Variants in PLCB4 observed in about 807,000 individuals in gnomAD.
PLCB4 encodes the protein 1-phosphatidylinositol 4,5-bisphosphate phosphodiesterase beta-4.
Under a neutral mutation model 178.8 loss-of-function variants are expected in PLCB4, and 77 were observed. That is an observed-to-expected ratio of 0.43 (90% CI 0.36 to 0.52). The LOEUF (loss-of-function observed/expected upper bound fraction) is 0.52, where lower values mean the gene tolerates loss of function less well. Ranked by LOEUF, PLCB4 falls within the 20% of genes least tolerant of loss-of-function variation. The pLI, the probability that PLCB4 is intolerant of heterozygous loss-of-function variation, is 0.00. For missense variants in PLCB4, 1,024 were observed against 1,453.4 expected, an observed-to-expected ratio of 0.70 and a Z score of 4.80; for synonymous variants, 496 against 490.8, an observed-to-expected ratio of 1.01 and a Z score of -0.14.
intron 3 of PLCB4, among the ~76,000 whole-genome samples, chr20:9,234,248 C>T (rs567865447): frequency 6.6e-6 from 1 of 152,182 alleles, no homozygotes; most frequent in South Asian, 2.1e-4. Flanking sequence ...AACTTTAAAG[C>T]TTTGTATGCT....
chr20:9,456,137 T>A (rs2043044697), intron 33 of PLCB4, among the ~76,000 whole-genome samples: 1 of 152,156 alleles, frequency 6.6e-6, no homozygotes, highest in African/African-American at 2.4e-5. Flanking sequence ...CACCCAGCCT[T>A]CCTGGACTTT....
intron 1 of PLCB4, among the ~76,000 whole-genome samples, chr20:9,086,604 G>A (rs927607048): frequency 6.6e-6 from 1 of 152,240 alleles, no homozygotes; most frequent in Non-Finnish European, 1.5e-5. Context: ...GCCTCAGCTG[G>A]AGTCAGACCC....
In PLCB4 at chr20:9,211,477, T is replaced by G. The variant is rs1405184003; in HGVS notation, c.-78-5913T>G. On this transcript the variant is annotated intron_variant, in intron 2 of 39. Coordinates refer to ENST00000378473, the MANE Select transcript of PLCB4 (RefSeq NM_001377142.1). ...ACCTACAGTCAAACAGAATGTGCAT[T>G]TTAACCAGATATGCTGGTGATTTGT... Among the ~76,000 whole-genome samples the G allele has an allele frequency of 3.3e-5, 5 of 152,350 alleles. 1 individual carries two copies. The East Asian group carries it at 9.7e-4, about 29-fold the overall frequency.
At position 9,422,646 on chromosome 20, in the gene PLCB4, C is replaced by T. The variant is rs533171284; in HGVS notation, c.2320-1102C>T. 6.6e-5 allele frequency among the ~76,000 whole-genome samples: 10 copies of T among 152,300 alleles called. No individual in the cohort carries two copies. In the East Asian group the frequency reaches 1.2e-3, roughly 18 times the overall value. On this transcript the variant is annotated intron_variant, in intron 27 of 39. Transcript: ENST00000378473. ...TATATAATAGTTCTGGCACTAGAAA[C>T]GAGATGCCAATTCTGAGTCCTTCTC...
At chr20:9,192,756 A>T (rs1009902630) in intron 2 of PLCB4, among the ~76,000 whole-genome samples, 1 of 151,774 alleles carries the variant, frequency 6.6e-6, no homozygotes, top group Non-Finnish European at 1.5e-5. Flanking sequence ...TTGAGGCTAC[A>T]GTGAACTGCA....
At chr20:9,326,383 A>G (rs2030567194) in intron 4 of PLCB4, among the ~76,000 whole-genome samples, 1 of 152,140 alleles carries the variant, frequency 6.6e-6, no homozygotes, top group Non-Finnish European at 1.5e-5. Flanking sequence ...TTTCTACTTG[A>G]CACCAGAATA....
At chr20:9,168,551 G>T (rs977992997) in intron 2 of PLCB4, among the ~76,000 whole-genome samples, 5 of 152,192 alleles carry the variant, frequency 3.3e-5, no homozygotes, top group Non-Finnish European at 7.3e-5. Flanking sequence ...CAGGTGTGGG[G>T]TGATGAGGCC....
chr20:9,159,947 T>C (rs1269898995), intron 2 of PLCB4, among the ~76,000 whole-genome samples: 1 of 152,150 alleles, frequency 6.6e-6, no homozygotes, highest in African/African-American at 2.4e-5. Flanking sequence ...AGGCTTCTGA[T>C]AGATTTTAGG....
intron 14 of PLCB4, among the ~76,000 whole-genome samples, chr20:9,386,153 C>T (rs954136486): frequency 2.6e-5 from 4 of 151,866 alleles, no homozygotes; most frequent in Middle Eastern, 3.4e-3. Context: ...CTTGGCAGGC[C>T]GAGGCAGGAG....
At chr20:9,399,214 T>TGGGTTAA (rs1028760501) in intron 19 of PLCB4, among the ~76,000 whole-genome samples, 1 of 152,222 alleles carries the variant, frequency 6.6e-6, no homozygotes, top group Non-Finnish European at 1.5e-5. Flanking sequence ...ACTTGAGATT[T>TGGGTTAA]GGGTTAAGTC....
intron 2 of PLCB4, among the ~76,000 whole-genome samples, chr20:9,216,509 G>A (rs1199431641): frequency 1.3e-5 from 2 of 149,228 alleles, no homozygotes; most frequent in African/African-American, 2.5e-5. Context: ...GAGCCACTGC[G>A]CCCGGCCTGA....
chr20:9,242,447 C>T (rs953605272), intron 3 of PLCB4, among the ~76,000 whole-genome samples: 6 of 152,208 alleles, frequency 3.9e-5, no homozygotes, highest in Non-Finnish European at 8.8e-5. Context: ...TCCTTTGTCC[C>T]TTGACAAGCT....
intron 9 of PLCB4, 115 bp from the exon 10 acceptor site, chr20:9,371,099 T>G: frequency 1.4e-6 from 1 of 715,098 alleles, no homozygotes; most frequent in Non-Finnish European, 2.5e-6. Context: ...GGTAATTTTA[T>G]TCTCCTCTTC....
rs771211963 is a variant in PLCB4 at position 9,419,897 on chromosome 20, T to G, written c.2142T>G (p.Thr714=). Residue 714 remains threonine, a synonymous_variant, in exon 26 of 40, where the codon ACT becomes ACG. Coordinates refer to ENST00000378473, the MANE Select transcript of PLCB4 (RefSeq NM_001377142.1). ...CTGTTGATGGTGTTATTGCAGCCAC[T>G]TGCTCAGTGCAGGTAAGGCCCCTGC... is the stretch of plus-strand genomic sequence containing the variant. ...ETPVDGVIAA[T]CSVQVISGQF... 1 of 1,610,224 alleles carries G rather than the reference T, an allele frequency of 6.2e-7. No homozygotes were observed. The highest frequency in any genetic ancestry group is 8.5e-7 in the Non-Finnish European group (1 of 1,176,424).
At chr20:9,402,223 T>C (rs1160088429) in intron 20 of PLCB4, among the ~76,000 whole-genome samples, 1 of 152,082 alleles carries the variant, frequency 6.6e-6, no homozygotes, top group Non-Finnish European at 1.5e-5. Context: ...TTACGGTGAG[T>C]GCAATTATGA....
Position 9,258,714 on chromosome 20 carries a change from CAA to C in PLCB4, c.-16+41283_-16+41284del, listed in dbSNP as rs969525907. Among the ~76,000 whole-genome samples the C allele has an allele frequency of 7.0e-3, 440 of 62,754 alleles. 5 individuals are homozygous for C. The highest frequency in any genetic ancestry group is 0.022 in the African/African-American group (411 of 18,502). The allele number at this position is 62,754 out of a possible 152,430, so 41.2% of individuals were successfully genotyped here. On this transcript the variant is annotated intron_variant, in intron 3 of 39. Coordinates refer to ENST00000378473, the MANE Select transcript of PLCB4 (RefSeq NM_001377142.1). ...TGGGTGACAGAGCTAGACTTCCTCT[CAA>C]AAAAAAAAAAAAAAAAAAAAGATAA...
At chr20:9,151,472 T>G (rs1170123991) in intron 2 of PLCB4, among the ~76,000 whole-genome samples, 2 of 152,058 alleles carry the variant, frequency 1.3e-5, no homozygotes, top group Admixed American at 6.6e-5. Flanking sequence ...TGGTCTTTGC[T>G]GTGTTATTCT....
chr20:9,313,761 G>T (rs1307165129), intron 4 of PLCB4, among the ~76,000 whole-genome samples: 1 of 152,174 alleles, frequency 6.6e-6, no homozygotes, highest in Admixed American at 6.5e-5. Context: ...GACGGCAGCT[G>T]TACTCACCGC....
At position 9,408,071 on chromosome 20, in the gene PLCB4, G is replaced by A. The variant is rs757765540; in HGVS notation, c.1789+13G>A. 1 of 1,593,946 alleles carries A rather than the reference G, an allele frequency of 6.3e-7. No homozygotes were observed. Among genetic ancestry groups the A allele is most frequent in the Non-Finnish European group, 8.5e-7 (1 of 1,172,638 alleles). On this transcript the variant is annotated intron_variant, in intron 22 of 39. Transcript: ENST00000378473. The stretch of plus-strand genomic sequence containing the variant: ...CATGTGGCAGAAGGTAACACCAAAG[G>A]TTAAATGCAGTCGCCTTTTTTGCTT...
Sources: allele counts gnomAD v4.1 joint callset (sites outside exome capture counted in the v4.1 genomes callset), GRCh38; gene constraint gnomAD v4.1.1; transcripts MANE v1.5; gene names NCBI Gene and HGNC (gene_info 2026-07-23, HGNC 2026-07-21).